Variants in LRBA observed in about 807,000 individuals in gnomAD.
The protein encoded by LRBA is LPS responsive beige-like anchor protein.
A neutral mutation model predicts 330.0 loss-of-function variants in LRBA; 176 were observed. The observed-to-expected ratio is 0.53, with a 90% CI of 0.47 to 0.60. LRBA has a LOEUF of 0.60. Among genes scored for constraint, LRBA ranks in the 20% least tolerant of loss-of-function variants. The pLI, the probability that LRBA is intolerant of heterozygous loss-of-function variation, is 0.00. For synonymous variants in LRBA, 1,230 were observed against 1,193.0 expected (o/e 1.03, Z -0.64); for missense variants, 3,259 against 3,444.8 (o/e 0.95, Z 1.35).
At chr4:150,432,541 T>C (rs7659120) in intron 46 of LRBA, among the ~76,000 whole-genome samples, 88,240 of 142,302 alleles carry the variant, frequency 0.62, 30,061 homozygotes, top group Non-Finnish European at 0.75. Flanking sequence ...CACTGCAAGC[T>C]CCGCCTCCTG....
chr4:150,742,104 G>T (rs575193661), intron 35 of LRBA, among the ~76,000 whole-genome samples: 1 of 150,594 alleles, frequency 6.6e-6, no homozygotes, highest in Non-Finnish European at 1.5e-5. Flanking sequence ...AACATAGAGC[G>T]GGCAGGGATA....
intron 40 of LRBA, among the ~76,000 whole-genome samples, chr4:150,528,098 C>T (rs1012279947): frequency 1.3e-5 from 2 of 152,040 alleles, no homozygotes; most frequent in East Asian, 1.9e-4. Flanking sequence ...TCATCTGATG[C>T]TTGAATGATG....
chr4:150,978,259 A>T (rs1350325869), intron 2 of LRBA, among the ~76,000 whole-genome samples: 2 of 152,246 alleles, frequency 1.3e-5, no homozygotes, highest in Non-Finnish European at 2.9e-5. Context: ...CCACCTGGTA[A>T]CCAACAGAAT....
At chr4:150,429,634 C>T (rs565448459) in intron 46 of LRBA, among the ~76,000 whole-genome samples, 1 of 152,142 alleles carries the variant, frequency 6.6e-6, no homozygotes, top group Admixed American at 6.5e-5. Context: ...AGGAGAAATG[C>T]ACAGGCTAGA....
intron 51 of LRBA, among the ~76,000 whole-genome samples, chr4:150,311,903 A>G (rs954159985): frequency 8.5e-5 from 13 of 152,202 alleles, no homozygotes; most frequent in African/African-American, 2.4e-4. Context: ...AAGTTGTATG[A>G]TACAATTTTT....
chr4:150,958,618 A>G (rs1737810365), intron 2 of LRBA, among the ~76,000 whole-genome samples: 1 of 149,164 alleles, frequency 6.7e-6, no homozygotes, highest in South Asian at 2.1e-4. Flanking sequence ...TTTCTATTGC[A>G]TCATTAGGCT....
intron 17 of LRBA, among the ~76,000 whole-genome samples, chr4:150,881,784 T>C (rs1439958530): frequency 1.3e-5 from 2 of 152,182 alleles, no homozygotes; most frequent in African/African-American, 4.8e-5. Flanking sequence ...CACAAATATC[T>C]ACGGTTAAAA....
chr4:150,788,233 C>G (rs954508758), intron 34 of LRBA, among the ~76,000 whole-genome samples: 1 of 145,758 alleles, frequency 6.9e-6, no homozygotes, highest in African/African-American at 2.6e-5. Flanking sequence ...CTACCACACC[C>G]GGTTAATTTT....
At chr4:150,537,946 C>T (rs985518626) in intron 40 of LRBA, among the ~76,000 whole-genome samples, 31 of 151,838 alleles carry the variant, frequency 2.0e-4, no homozygotes, top group African/African-American at 7.0e-4. Flanking sequence ...CAGAGCGAGA[C>T]TCTGTCTCAA....
intron 23 of LRBA, among the ~76,000 whole-genome samples, chr4:150,851,318 A>C (rs1750585059): frequency 6.6e-6 from 1 of 151,574 alleles, no homozygotes; most frequent in Admixed American, 6.6e-5. Flanking sequence ...CAACAAAAAC[A>C]AAAAAAAGGA....
intron 2 of LRBA, among the ~76,000 whole-genome samples, chr4:150,956,791 A>G (rs1447247005): frequency 6.7e-6 from 1 of 149,248 alleles, no homozygotes; most frequent in Non-Finnish European, 1.5e-5. Context: ...TAGACAAAAA[A>G]AGCATCTGAC....
intron 37 of LRBA, among the ~76,000 whole-genome samples, chr4:150,617,785 C>T (rs1043732487): frequency 2.6e-5 from 4 of 152,070 alleles, no homozygotes; most frequent in African/African-American, 7.2e-5. Context: ...CACTAAACCT[C>T]GTCTATTAAT....
chr4:150,463,449 A>G (rs887409046), intron 44 of LRBA, among the ~76,000 whole-genome samples: 1 of 152,080 alleles, frequency 6.6e-6, no homozygotes, highest in Non-Finnish European at 1.5e-5. Context: ...ACAAAATTAC[A>G]CAAATGACAT....
chr4:150,794,187 T>C (rs1167886618), intron 34 of LRBA, among the ~76,000 whole-genome samples: 1 of 152,138 alleles, frequency 6.6e-6, no homozygotes, highest in Non-Finnish European at 1.5e-5. Flanking sequence ...CTTTAAATAG[T>C]TCAGCATGGC....
At position 150,806,384 on chromosome 4, in the gene LRBA, T is replaced by C; in HGVS notation, c.5405A>G (p.His1802Arg). ...SNMSITERLE[H>R]ALEKAAPLLR... is the part of the protein sequence containing the mutation. ...GAGAGGAGCTGCCTTTTCCAAAGCG[T>C]GTTCAAGCCTCTCTGTAATACTAAG... The change falls in exon 33 of 57, where the codon CAC (histidine) becomes CGC (arginine). Residue 1802 changes from histidine to arginine, a missense_variant. By Grantham distance (29) the His-to-Arg change is conservative (BLOSUM62 0). Coordinates refer to ENST00000651943, the MANE Select transcript of LRBA (RefSeq NM_001364905.1). 1 of 1,608,252 alleles carries C rather than the reference T, an allele frequency of 6.2e-7. No homozygotes were observed. The highest frequency in any genetic ancestry group is 8.5e-7 in the Non-Finnish European group (1 of 1,177,770).
At chr4:150,809,044 T>C (rs1249705435) in intron 31 of LRBA, among the ~76,000 whole-genome samples, 1 of 152,170 alleles carries the variant, frequency 6.6e-6, no homozygotes, top group Admixed American at 6.6e-5. Flanking sequence ...AGCATCTGCA[T>C]CAGGCTGGAG....
intron 49 of LRBA, among the ~76,000 whole-genome samples, chr4:150,325,184 G>GA (rs1280531500): frequency 6.6e-6 from 1 of 152,170 alleles, no homozygotes; most frequent in Non-Finnish European, 1.5e-5. Context: ...AGGCCACATG[G>GA]AAAGAGAAGC....
At chr4:150,965,013 G>A (rs1738723209) in intron 2 of LRBA, among the ~76,000 whole-genome samples, 1 of 152,098 alleles carries the variant, frequency 6.6e-6, no homozygotes, top group Non-Finnish European at 1.5e-5. Flanking sequence ...TGCTACAGAG[G>A]CACTTTCATA....
At chr4:150,309,440 TAGCTCTA>T (rs1368737214) in intron 52 of LRBA, among the ~76,000 whole-genome samples, 1 of 152,214 alleles carries the variant, frequency 6.6e-6, no homozygotes, top group Non-Finnish European at 1.5e-5. Flanking sequence ...GTAGATCAAT[TAGCTCTA>T]AAGAATTAAG....
Sources: allele counts gnomAD v4.1 joint callset (sites outside exome capture counted in the v4.1 genomes callset), GRCh38; gene constraint gnomAD v4.1.1; transcripts MANE v1.5; gene names NCBI Gene and HGNC (gene_info 2026-07-23, HGNC 2026-07-21).